Variants in LGALS16 observed in about 807,000 individuals in gnomAD.
LGALS16 encodes the protein galectin 16.
A neutral mutation model predicts 13.2 loss-of-function variants in LGALS16; 15 were observed. The ratio of observed to expected loss-of-function variants is 1.13; its 90% CI spans 0.76 to 1.75. The LOEUF is 1.75. Ranked by LOEUF, LGALS16 falls within the 40% of genes most tolerant of loss-of-function variation. The pLI is 0.00. For missense variants in LGALS16, 198 were observed against 178.4 expected, an observed-to-expected ratio of 1.11 and a Z score of -0.63; for synonymous variants, 66 against 65.4, an observed-to-expected ratio of 1.01 and a Z score of -0.05.
At chr19:39,659,660 C>A (rs1007752123) in intron 3 of LGALS16, among the ~76,000 whole-genome samples, 1 of 152,092 alleles carries the variant, frequency 6.6e-6, no homozygotes, top group South Asian at 2.1e-4. Context: ...ACTTACATTG[C>A]GATATAATTA....
chr19:39,660,251 G>A (rs1938517281), intron 3 of LGALS16, 144 bp from the exon 4 acceptor site: 5 of 743,628 alleles, frequency 6.7e-6, no homozygotes, highest in Non-Finnish European at 1.1e-5. Context: ...AATGTCATCT[G>A]TAAACAGAAG....
At chr19:39,656,539 G>T (rs1176556180) in intron 1 of LGALS16, among the ~76,000 whole-genome samples, 1 of 152,194 alleles carries the variant, frequency 6.6e-6, no homozygotes, top group Non-Finnish European at 1.5e-5. Context: ...GGAACTGTGT[G>T]TCTTTTCATG....
At chr19:39,657,514 G>A (rs115481623) in intron 1 of LGALS16, among the ~76,000 whole-genome samples, 3 of 152,178 alleles carry the variant, frequency 2.0e-5, no homozygotes, top group African/African-American at 4.8e-5. Flanking sequence ...CACATGCCAG[G>A]GATTAGGGTA....
intron 2 of LGALS16, among the ~76,000 whole-genome samples, chr19:39,658,240 A>G (rs1307947523): frequency 1.3e-5 from 2 of 152,204 alleles, no homozygotes; most frequent in African/African-American, 4.8e-5. Flanking sequence ...TCACAGGCCC[A>G]GGTCAGTGAC....
At chr19:39,658,020 T>C in intron 2 of LGALS16, 61 bp downstream of exon 2, 1 of 1,589,558 alleles carries the variant, frequency 6.3e-7, no homozygotes, top group South Asian at 1.1e-5. Flanking sequence ...TGCTAAGAGT[T>C]TGACCTTATG....
At chr19:39,656,095 G>A in intron 1 of LGALS16, 119 bp downstream of exon 1, 1 of 1,069,046 alleles carries the variant, frequency 9.4e-7, no homozygotes, top group South Asian at 1.5e-5. Context: ...ACTGAGAGTT[G>A]TGGGTGTGTG....
intron 3 of LGALS16, among the ~76,000 whole-genome samples, chr19:39,659,655 C>T (rs1299353645): frequency 6.6e-6 from 1 of 152,176 alleles, no homozygotes; most frequent in East Asian, 1.9e-4. Flanking sequence ...CCAATACTTA[C>T]ATTGCGATAT....
intron 3 of LGALS16, among the ~76,000 whole-genome samples, chr19:39,659,138 C>T (rs1973232293): frequency 6.9e-6 from 1 of 145,676 alleles, no homozygotes. Flanking sequence ...CTCACTTTGT[C>T]ATCCAGGTTG....
At position 39,660,257 on chromosome 19, in the gene LGALS16, A is replaced by G. The variant is rs138521968; in HGVS notation, c.304-138A>G. The G allele has an allele frequency of 1.0e-5, 8 of 768,742 alleles. No homozygotes were observed. In the African/African-American group the frequency reaches 1.2e-4, roughly 12 times the overall value. 47.6% of individuals were successfully genotyped at this position (768,742 alleles called of 1,614,324 possible). ...TAGGCACAAAATGTCATCTGTAAAC[A>G]GAAGTGTATCTACAACATTCGCTTG... On this transcript the variant is annotated intron_variant, in intron 3 of 3. Coordinates refer to ENST00000392051, the MANE Select transcript of LGALS16 (RefSeq NM_001190441.3).
Position 39,658,428 on chromosome 19 carries a change from C to G in LGALS16, c.93-32C>G, listed in dbSNP as rs780963327. On this transcript the variant is annotated intron_variant, in intron 2 of 3. Transcript: ENST00000392051. The stretch of plus-strand genomic sequence containing the variant: ...AGTGTGTGTCTGTGCAATGAAGGAA[C>G]CTGTCCAATATGCTGTGTGCTTTGC... 1.7e-5 allele frequency: 26 copies of G among 1,537,888 alleles called. 1 individual carries two copies. The African/African-American group carries it at 3.0e-4, about 18-fold the overall frequency.
Position 39,660,522 on chromosome 19 carries a change from C to G in LGALS16, c.*2C>G. The G allele has an allele frequency of 1.9e-6, 3 of 1,549,392 alleles. No individual in the cohort carries two copies. The highest frequency in any genetic ancestry group is 2.6e-6 in the Non-Finnish European group (3 of 1,152,544). On this transcript the variant is annotated 3_prime_UTR_variant, in exon 4 of 4. Coordinates refer to ENST00000392051, the MANE Select transcript of LGALS16 (RefSeq NM_001190441.3). Reference sequence around the variant, plus strand: ...CTTGTCAACAATGGACGGAGATGATCACACTCCTCATTGTTGAGGAAACCC... The same window carrying G: ...CTTGTCAACAATGGACGGAGATGATGACACTCCTCATTGTTGAGGAAACCC...
intron 2 of LGALS16, 105 bp downstream of exon 2, chr19:39,658,064 T>A (rs1234354678): frequency 2.9e-6 from 4 of 1,367,114 alleles, no homozygotes; most frequent in Non-Finnish European, 4.1e-6. Flanking sequence ...ATTGGCAGGA[T>A]GGAGGCCCCA....
chr19:39,660,315 G>T, intron 3 of LGALS16, 80 bp from the exon 4 acceptor site: 1 of 1,374,088 alleles, frequency 7.3e-7, no homozygotes, highest in Non-Finnish European at 9.9e-7. Flanking sequence ...GAATGTTATT[G>T]GTACTAGGGC....
intron 3 of LGALS16, 50 bp downstream of exon 3, chr19:39,658,720 C>CTG: frequency 8.3e-7 from 1 of 1,209,146 alleles, no homozygotes; most frequent in Non-Finnish European, 1.2e-6. Flanking sequence ...GATCCCAGAG[C>CTG]AGGAGTCAGC....
intron 2 of LGALS16, 52 bp from the exon 3 acceptor site, chr19:39,658,408 G>A: frequency 1.0e-5 from 14 of 1,404,140 alleles, no homozygotes; most frequent in Non-Finnish European, 1.4e-5. Flanking sequence ...TGTCAAGTGT[G>A]TGTCTGTGCA....
At chr19:39,659,973 G>T (rs1486653821) in intron 3 of LGALS16, among the ~76,000 whole-genome samples, 2 of 152,316 alleles carry the variant, frequency 1.3e-5, no homozygotes, top group East Asian at 3.9e-4. Flanking sequence ...CTCCAAAGAG[G>T]AACTGTGCCA....
chr19:39,657,748 C>T, intron 1 of LGALS16, 135 bp from the exon 2 acceptor site: 3 of 960,170 alleles, frequency 3.1e-6, no homozygotes, highest in Non-Finnish European at 4.8e-6. Flanking sequence ...GGGGCCCTGA[C>T]TGTGGTAGAG....
At chr19:39,657,533 A>T (rs894078587) in intron 1 of LGALS16, among the ~76,000 whole-genome samples, 4 of 152,106 alleles carry the variant, frequency 2.6e-5, no homozygotes, top group African/African-American at 9.7e-5. Flanking sequence ...TAAAAGTTTT[A>T]CATGTATTAA....
At position 39,658,803 on chromosome 19, in the gene LGALS16, C is replaced by T. The variant is rs1973227618; in HGVS notation, c.303+133C>T. The T allele has an allele frequency of 4.7e-6, 3 of 643,290 alleles. No individual in the cohort carries two copies. In the East Asian group the frequency reaches 8.2e-5, roughly 18 times the overall value. The allele number at this position is 643,290 out of a possible 1,614,324, so 39.8% of individuals were successfully genotyped here. A position where few individuals can be genotyped will look rare whatever the true frequency, so the allele number is the denominator to read the frequency against. On this transcript the variant is annotated intron_variant, in intron 3 of 3. Transcript: ENST00000392051. Reference sequence around the variant, plus strand: ...CTACCCCTGCCCCAGGTTTTCATCACAGAGCACCCTCTGCTTGCACTGCCG... The same window carrying T: ...CTACCCCTGCCCCAGGTTTTCATCATAGAGCACCCTCTGCTTGCACTGCCG...
Sources: gnomAD v4.1 joint callset for allele counts (sites outside exome capture counted in the v4.1 genomes callset) on GRCh38, gnomAD v4.1.1 for gene constraint, MANE v1.5 for transcripts, NCBI Gene and HGNC (gene_info 2026-07-23, HGNC 2026-07-21) for gene names.